The following RANBP2 variants were observed in gnomAD, a reference collection of about 807,000 sequenced individuals.
The protein encoded by RANBP2 is RAN binding protein 2.
A neutral mutation model predicts 303.6 loss-of-function variants in RANBP2; 57 were observed. The ratio of observed to expected loss-of-function variants is 0.19; its 90% CI spans 0.15 to 0.23. The LOEUF is 0.23. Ranked by LOEUF, RANBP2 falls within the 10% of genes least tolerant of loss-of-function variation. The pLI is 1.00. For synonymous variants in RANBP2, 1,167 were observed against 1,301.5 expected (o/e 0.90, Z 2.23); for missense variants, 3,138 against 3,780.8 (o/e 0.83, Z 4.46).
the RANBP2 span, among the ~76,000 whole-genome samples, chr2:108,795,534 G>C: frequency 2.0e-5 from 3 of 152,176 alleles, no homozygotes; most frequent in Admixed American, 6.5e-5. Context: ...CGCAGTATCT[G>C]TTTGAAATTC....
At chr2:109,029,577 G>A in the RANBP2 span, among the ~76,000 whole-genome samples, 3 of 152,238 alleles carry the variant, frequency 2.0e-5, no homozygotes, top group Non-Finnish European at 4.4e-5. Context: ...CAGCATGTGT[G>A]TCCCTGCCGG....
the RANBP2 span, chr2:109,614,531 C>A: frequency 7.0e-6 from 9 of 1,286,002 alleles, no homozygotes; most frequent in Non-Finnish European, 8.8e-6. Flanking sequence ...CGGCGCTGGG[C>A]CCCGAGGCGG....
chr2:109,613,259 G>T, the RANBP2 span: 2 of 1,078,692 alleles, frequency 1.9e-6, no homozygotes, highest in Non-Finnish European at 2.5e-6. Flanking sequence ...GAACAAACGC[G>T]TTCTTTTAGA....
At chr2:109,205,717 C>A in the RANBP2 span, among the ~76,000 whole-genome samples, 1 of 152,304 alleles carries the variant, frequency 6.6e-6, no homozygotes, top group African/African-American at 2.4e-5. Context: ...TGTTTCGGGG[C>A]AGTGCACTTT....
At chr2:109,500,099 A>G in the RANBP2 span, among the ~76,000 whole-genome samples, 1 of 152,118 alleles carries the variant, frequency 6.6e-6, no homozygotes, top group East Asian at 1.9e-4. Context: ...TGTGGCTGGA[A>G]CCCACAGTCG....
chr2:109,735,269 TC>T, the RANBP2 span, among the ~76,000 whole-genome samples: 5 of 152,240 alleles, frequency 3.3e-5, no homozygotes, highest in Admixed American at 1.3e-4. Flanking sequence ...TATTTATCTT[TC>T]TGTGCCTGGC....
the RANBP2 span, among the ~76,000 whole-genome samples, chr2:108,900,336 A>C: frequency 6.6e-6 from 1 of 152,228 alleles, no homozygotes; most frequent in Non-Finnish European, 1.5e-5. Flanking sequence ...CAGATGGATT[A>C]GCTGAGGTCA....
the RANBP2 span, chr2:109,585,174 G>T: frequency 1.1e-5 from 17 of 1,607,568 alleles, no homozygotes; most frequent in Non-Finnish European, 1.1e-5. Context: ...ATTCACAATG[G>T]TCAATTTCAA....
chr2:108,970,311 G>A, the RANBP2 span, among the ~76,000 whole-genome samples: 1 of 152,202 alleles, frequency 6.6e-6, no homozygotes, highest in African/African-American at 2.4e-5. Context: ...TTTGGAGTCA[G>A]TGACAGGATG....
At chr2:109,238,749 C>T in the RANBP2 span, among the ~76,000 whole-genome samples, 1 of 152,184 alleles carries the variant, frequency 6.6e-6, no homozygotes, top group African/African-American at 2.4e-5. Flanking sequence ...GCAGCTGCTA[C>T]ATGCTTGCAT....
the RANBP2 span, among the ~76,000 whole-genome samples, chr2:108,971,031 G>A: frequency 6.6e-6 from 1 of 152,138 alleles, no homozygotes; most frequent in Non-Finnish European, 1.5e-5. Flanking sequence ...AGGGGACAGG[G>A]GATGATGCTG....
chr2:109,233,886 G>A, the RANBP2 span, among the ~76,000 whole-genome samples: 1 of 152,352 alleles, frequency 6.6e-6, no homozygotes. Flanking sequence ...TCAGTAGGGT[G>A]TTCCTCTTTA....
Position 108,782,712 on chromosome 2 carries a change from C to T in RANBP2, c.9219C>T (p.Asp3073=), listed in dbSNP as rs149605647. 3.1e-4 allele frequency: 506 copies of T among 1,614,014 alleles called. No homozygotes were observed. The highest frequency in any genetic ancestry group is 4.0e-4 in the Non-Finnish European group (475 of 1,180,034). Residue 3073 remains aspartate, a synonymous_variant, in exon 28 of 29, where the codon GAC becomes GAT. Coordinates refer to ENST00000283195, the MANE Select transcript of RANBP2 (RefSeq NM_006267.5). The part of the protein sequence containing the change: ...NPVVFFDVCA[D]GEPLGRITME... ...TGGTGTTTTTTGATGTTTGTGCGGA[C>T]GGTGAACCTCTAGGGCGGATAACTA...
At chr2:109,068,176 G>A in the RANBP2 span, among the ~76,000 whole-genome samples, 1 of 152,242 alleles carries the variant, frequency 6.6e-6, no homozygotes, top group Admixed American at 6.5e-5. Context: ...GACACACCAT[G>A]TCGTTTACTT....
chr2:109,006,196 CTTTTTTT>C, the RANBP2 span, among the ~76,000 whole-genome samples: 2 of 151,076 alleles, frequency 1.3e-5, no homozygotes, highest in African/African-American at 4.9e-5. Context: ...TTTTCTTTTT[CTTTTTTT>C]TTAATTTTTA....
chr2:108,834,430 GTAT>G, the RANBP2 span, among the ~76,000 whole-genome samples: 1 of 151,426 alleles, frequency 6.6e-6, no homozygotes, highest in Non-Finnish European at 1.5e-5. Context: ...GGCCAGGCTG[GTAT>G]TGAACAGCTG....
the RANBP2 span, among the ~76,000 whole-genome samples, chr2:109,070,598 G>A: frequency 6.6e-6 from 1 of 152,128 alleles, no homozygotes; most frequent in Non-Finnish European, 1.5e-5. Context: ...CGTGGCTCAC[G>A]CCTGTGATCC....
At chr2:108,937,905 G>A in the RANBP2 span, among the ~76,000 whole-genome samples, 1 of 152,354 alleles carries the variant, frequency 6.6e-6, no homozygotes, top group Non-Finnish European at 1.5e-5. Context: ...ACAGAGGTAG[G>A]TTTGAGTTGA....
chr2:108,790,586 C>G, downstream of RANBP2, among the ~76,000 whole-genome samples: 1 of 152,138 alleles, frequency 6.6e-6, no homozygotes, highest in Non-Finnish European at 1.5e-5. Context: ...CCTGTAGTCC[C>G]AGCTACTCGG....
Sources: allele counts gnomAD v4.1 joint callset (sites outside exome capture counted in the v4.1 genomes callset), GRCh38; gene constraint gnomAD v4.1.1; transcripts MANE v1.5; gene names NCBI Gene and HGNC (gene_info 2026-07-23, HGNC 2026-07-21).